ACOT11: variants seen among roughly 807,000 people sequenced by gnomAD.
ACOT11 encodes acyl-CoA thioesterase 11, also known as acyl-coenzyme A thioesterase 11.
A neutral mutation model predicts 77.5 loss-of-function variants in ACOT11; 69 were observed. That is an observed-to-expected ratio of 0.89 (90% CI 0.73 to 1.09). The LOEUF (loss-of-function observed/expected upper bound fraction) is 1.09. Ranked by LOEUF, ACOT11 falls within the 50% of genes least tolerant of loss-of-function variation. The pLI, the probability that ACOT11 is intolerant of heterozygous loss-of-function variation, is 0.00. For synonymous variants in ACOT11, 279 were observed against 313.0 expected (o/e 0.89, Z 1.15); for missense variants, 766 against 813.7 (o/e 0.94, Z 0.71).
intron 1 of ACOT11, among the ~76,000 whole-genome samples, chr1:54,572,824 C>G (rs780668729): frequency 6.6e-6 from 1 of 152,226 alleles, no homozygotes; most frequent in Non-Finnish European, 1.5e-5. Context: ...AGCAAACAAG[C>G]TCATGCTGGA....
intron 15 of ACOT11, among the ~76,000 whole-genome samples, chr1:54,617,709 A>ATTTTTTTTTTTTTT (rs56229276): frequency 1.8e-5 from 1 of 55,766 alleles, no homozygotes; most frequent in Non-Finnish European, 3.0e-5. Context: ...AGGGCCTGAG[A>ATTTTTTTTTTTTTT]TTTTTTTTTT....
In ACOT11 at chr1:54,597,245, C is replaced by A. The variant is rs1643898718; in HGVS notation, c.608-14C>A. The A allele has an allele frequency of 6.2e-7, 1 of 1,609,744 alleles. No individual in the cohort carries two copies. The highest frequency in any genetic ancestry group is 2.2e-5 in the East Asian group (1 of 44,890). On this transcript the variant is annotated splice_polypyrimidine_tract_variant and intron_variant, in intron 6 of 15. Coordinates refer to ENST00000343744, the MANE Select transcript of ACOT11 (RefSeq NM_147161.4). The stretch of plus-strand genomic sequence containing the variant: ...CACCTCCCTGCTTCCCTCCCTTATC[C>A]CATCCCTGGTCAGATCTGGAGAGCA...
intron 15 of ACOT11, among the ~76,000 whole-genome samples, chr1:54,627,357 G>A (rs570226106): frequency 3.7e-5 from 5 of 135,092 alleles, no homozygotes; most frequent in African/African-American, 1.3e-4. Flanking sequence ...AGGATGTCTG[G>A]GAGGAAAGAG....
In ACOT11 at chr1:54,604,405, G is replaced by A. The variant is rs1467470775; in HGVS notation, c.1212G>A (p.Trp404Ter). Residue 404 changes from tryptophan to a stop codon, truncating the protein, a stop_gained, in exon 12 of 16, where the codon TGG (tryptophan) becomes TGA (stop). Coordinates refer to ENST00000343744, the MANE Select transcript of ACOT11 (RefSeq NM_147161.4). LOFTEE classifies it high-confidence loss of function. ...AGATGCTTGTGGCCAAGGACAACTG[G>A]GTGCTGTCCTCGGAGATCAGTCAGG... is the stretch of plus-strand genomic sequence containing the variant. ...SLKMLVAKDN[W>*]VLSSEISQVR... The A allele has an allele frequency of 1.2e-6, 2 of 1,613,950 alleles. No homozygotes were observed. Among genetic ancestry groups the A allele is most frequent in the Non-Finnish European group, 1.7e-6 (2 of 1,179,994 alleles).
chr1:54,597,586 A>G (rs1643903953), intron 7 of ACOT11, 171 bp downstream of exon 7: 1 of 857,606 alleles, frequency 1.2e-6, no homozygotes, highest in African/African-American at 1.7e-5. Context: ...TCCTTGTTCT[A>G]CTAAAAAAGC....
chr1:54,567,988 A>T (rs558862032), intron 1 of ACOT11, among the ~76,000 whole-genome samples: 25 of 152,150 alleles, frequency 1.6e-4, no homozygotes, highest in Non-Finnish European at 2.6e-4. Flanking sequence ...CTCCACTGGG[A>T]CATACAAGAC....
In ACOT11 at chr1:54,593,978, A is replaced by G. The variant is rs1654805414; in HGVS notation, c.410A>G (p.Glu137Gly). 3 of 1,614,148 alleles carry G rather than the reference A, an allele frequency of 1.9e-6. No homozygotes were observed. The highest frequency in any genetic ancestry group is 2.5e-6 in the Non-Finnish European group (3 of 1,180,020). The change falls in exon 5 of 16, where the codon GAG becomes GGG. Residue 137 changes from glutamate to glycine, a missense_variant. Coordinates refer to ENST00000343744, the MANE Select transcript of ACOT11 (RefSeq NM_147161.4). ...IQVASEDLCS[E>G]KQWNVCKALA... Reference sequence around the variant, plus strand: ...GTGGCCTCGGAGGACCTGTGCTCTGAGAAGCAGTGGAATGTGTGCAAGGCC... The same window carrying G: ...GTGGCCTCGGAGGACCTGTGCTCTGGGAAGCAGTGGAATGTGTGCAAGGCC...
chr1:54,559,421 G>A (rs190227112), intron 1 of ACOT11, among the ~76,000 whole-genome samples: 37 of 152,300 alleles, frequency 2.4e-4, no homozygotes, highest in East Asian at 1.7e-3. Flanking sequence ...CACTCGGCCC[G>A]ATGACGAAAA....
intron 1 of ACOT11, among the ~76,000 whole-genome samples, chr1:54,559,300 C>A (rs1022238170): frequency 3.3e-5 from 5 of 151,354 alleles, no homozygotes; most frequent in Admixed American, 6.6e-5. Context: ...GCTGAGCTGA[C>A]CCCACCCCAC....
downstream of ACOT11, chr1:54,611,839 G>A: frequency 6.7e-7 from 1 of 1,488,716 alleles, no homozygotes; most frequent in South Asian, 1.2e-5. Context: ...GCTGGGCGCA[G>A]GGTAGAGCAT....
At chr1:54,576,491 TAAA>T (rs71581820) in intron 1 of ACOT11, among the ~76,000 whole-genome samples, 51 of 68,368 alleles carry the variant, frequency 7.5e-4, no homozygotes, top group African/African-American at 2.3e-3. Flanking sequence ...GAGCAAGATC[TAAA>T]AAAAAAAAAA....
chr1:54,577,978 C>T (rs964640389), intron 1 of ACOT11, among the ~76,000 whole-genome samples: 2 of 152,210 alleles, frequency 1.3e-5, no homozygotes, highest in African/African-American at 4.8e-5. Context: ...CTTAGGATCC[C>T]TCTCGGGGCT....
chr1:54,560,783 G>A (rs1000003461), intron 1 of ACOT11, among the ~76,000 whole-genome samples: 4 of 151,844 alleles, frequency 2.6e-5, no homozygotes, highest in Admixed American at 6.6e-5. Context: ...GTGCAATGGC[G>A]CGATCTTGGC....
downstream of ACOT11, chr1:54,614,612 A>C (rs1644151854): frequency 2.2e-6 from 3 of 1,380,778 alleles, no homozygotes; most frequent in Admixed American, 6.7e-5. Flanking sequence ...TTGGAGACAA[A>C]CTCAGAGGTC....
chr1:54,611,353 T>C (rs775431280), downstream of ACOT11, among the ~76,000 whole-genome samples: 28 of 152,054 alleles, frequency 1.8e-4, no homozygotes, highest in Non-Finnish European at 3.4e-4. Flanking sequence ...GGAGCCGAGA[T>C]TGCGCCGCTG....
intron 1 of ACOT11, among the ~76,000 whole-genome samples, chr1:54,561,419 G>A (rs914967852): frequency 2.6e-5 from 3 of 113,544 alleles, no homozygotes; most frequent in African/African-American, 1.2e-4. Flanking sequence ...AGGGTTGGGG[G>A]TAAGGTCACA....
In ACOT11 at chr1:54,610,038, T is replaced by C; in HGVS notation, c.*926T>C. On this transcript the variant is annotated 3_prime_UTR_variant, in exon 16 of 16. Transcript: ENST00000343744. Reference sequence around the variant, plus strand: ...AGGGGCAGTGGGAGTTATGGGGTCATCAAGGACCTTGCCTCTCTGGAATCT... The same window carrying C: ...AGGGGCAGTGGGAGTTATGGGGTCACCAAGGACCTTGCCTCTCTGGAATCT... 1.4e-6 allele frequency: 2 copies of C among 1,460,316 alleles called. No individual in the cohort carries two copies. Among genetic ancestry groups the C allele is most frequent in the East Asian group, 2.4e-5 (1 of 41,472 alleles). 90.5% of individuals were successfully genotyped at this position (1,460,316 alleles called of 1,614,324 possible). A position where few individuals can be genotyped will look rare whatever the true frequency, so the allele number is the denominator to read the frequency against.
At chr1:54,605,006 C>T (rs1644007975) in intron 12 of ACOT11, 70 bp from the exon 13 acceptor site, 1 of 1,515,242 alleles carries the variant, frequency 6.6e-7, no homozygotes. Context: ...AGCTTCCAGT[C>T]TCAGCCTCCA....
At chr1:54,562,253 T>C (rs1653536403) in intron 1 of ACOT11, among the ~76,000 whole-genome samples, 1 of 107,214 alleles carries the variant, frequency 9.3e-6, no homozygotes, top group African/African-American at 4.3e-5. Flanking sequence ...ACGGGGCGGC[T>C]GGCCAGGCGG....
Sources: gnomAD v4.1 joint callset for allele counts (sites outside exome capture counted in the v4.1 genomes callset) on GRCh38, gnomAD v4.1.1 for gene constraint, MANE v1.5 for transcripts, NCBI Gene and HGNC (gene_info 2026-07-23, HGNC 2026-07-21) for gene names.